EPHA5: variants seen among roughly 807,000 people sequenced by gnomAD.
EPHA5 encodes ephrin type-A receptor 5.
EPHA5 carries 60 observed loss-of-function variants against 105.0 expected under a neutral mutation model. The ratio of observed to expected loss-of-function variants is 0.57; its 90% CI spans 0.46 to 0.71. The LOEUF (loss-of-function observed/expected upper bound fraction) is 0.71. Ranked by LOEUF, EPHA5 falls within the 30% of genes least tolerant of loss-of-function variation. The pLI is 0.00. For missense variants in EPHA5, 1,218 were observed against 1,274.7 expected (o/e 0.96, Z 0.68); for synonymous variants, 513 against 449.1 (o/e 1.14, Z -1.80).
At chr4:65,656,131 TAAAAAA>T in intron 1 of EPHA5, among the ~76,000 whole-genome samples, 1 of 109,608 alleles carries the variant, frequency 9.1e-6, no homozygotes, top group Admixed American at 9.6e-5. Context: ...TGCTGCTGCT[TAAAAAA>T]AAAAAAAAAA....
intron 2 of EPHA5, among the ~76,000 whole-genome samples, chr4:65,633,915 A>G (rs768476275): frequency 6.6e-6 from 1 of 152,106 alleles, no homozygotes; most frequent in South Asian, 2.1e-4. Context: ...GCAAAACTAG[A>G]CAAAGTGATA....
intron 3 of EPHA5, among the ~76,000 whole-genome samples, chr4:65,532,209 A>G (rs1735873595): frequency 6.6e-6 from 1 of 152,118 alleles, no homozygotes; most frequent in African/African-American, 2.4e-5. Flanking sequence ...TAAAAAGTAG[A>G]AAAGCTTTCC....
chr4:65,666,929 T>A (rs1047401089), intron 1 of EPHA5, among the ~76,000 whole-genome samples: 5 of 152,186 alleles, frequency 3.3e-5, no homozygotes, highest in African/African-American at 1.2e-4. Context: ...TTACATTTAT[T>A]CTGTATGTTT....
intron 3 of EPHA5, among the ~76,000 whole-genome samples, chr4:65,561,686 A>C (rs1289650716): frequency 3.3e-5 from 5 of 152,128 alleles, no homozygotes; most frequent in Non-Finnish European, 7.4e-5. Context: ...GCCTGGACTC[A>C]TCACCAAGTC....
chr4:65,396,260 G>A (rs751824829), intron 8 of EPHA5, among the ~76,000 whole-genome samples: 15 of 152,210 alleles, frequency 9.9e-5, no homozygotes, highest in Non-Finnish European at 1.8e-4. Context: ...CCTAGATATT[G>A]ATTAGGGTCC....
chr4:65,405,242 T>C (rs1161469196), intron 7 of EPHA5, among the ~76,000 whole-genome samples: 1 of 149,088 alleles, frequency 6.7e-6, no homozygotes, highest in African/African-American at 2.5e-5. Flanking sequence ...GCAAATAAAT[T>C]TTATTTTTGT....
At chr4:65,571,447 A>G (rs1218780097) in intron 3 of EPHA5, among the ~76,000 whole-genome samples, 1 of 152,100 alleles carries the variant, frequency 6.6e-6, no homozygotes, top group East Asian at 1.9e-4. Flanking sequence ...TTTAAAATCA[A>G]CACATGAAAC....
intron 5 of EPHA5, among the ~76,000 whole-genome samples, chr4:65,484,321 T>C (rs1425625180): frequency 6.6e-6 from 1 of 152,168 alleles, no homozygotes; most frequent in African/African-American, 2.4e-5. Flanking sequence ...TGAGACACCA[T>C]GCTTGTCAAC....
intron 3 of EPHA5, among the ~76,000 whole-genome samples, chr4:65,574,709 C>T (rs7437924): frequency 0.14 from 8,509 of 60,446 alleles, 954 homozygotes; most frequent in Non-Finnish European, 0.2. Context: ...CATATATATA[C>T]ATATATATAT....
intron 2 of EPHA5, among the ~76,000 whole-genome samples, chr4:65,603,341 TA>T (rs34229543): frequency 0.91 from 137,531 of 151,942 alleles, 62,314 homozygotes; most frequent in Admixed American, 0.92. Context: ...CTGAAGCCTG[TA>T]AAAAAATCTG....
At chr4:65,579,890 G>C (rs1378552748) in intron 3 of EPHA5, among the ~76,000 whole-genome samples, 3 of 151,886 alleles carry the variant, frequency 2.0e-5, no homozygotes, top group African/African-American at 7.2e-5. Flanking sequence ...CATTTAAAAA[G>C]CAAGTACCTT....
chr4:65,487,802 C>T (rs547472408), intron 5 of EPHA5, among the ~76,000 whole-genome samples: 1 of 152,246 alleles, frequency 6.6e-6, no homozygotes, highest in African/African-American at 2.4e-5. Context: ...AAACTCTGGT[C>T]TCCTGCTTAG....
At chr4:65,534,959 A>T (rs906682867) in intron 3 of EPHA5, among the ~76,000 whole-genome samples, 9 of 152,178 alleles carry the variant, frequency 5.9e-5, no homozygotes, top group African/African-American at 2.2e-4. Flanking sequence ...CAGGTAAAAT[A>T]TGTTATCATA....
chr4:65,413,791 A>G (rs1723135537), intron 7 of EPHA5, among the ~76,000 whole-genome samples: 1 of 152,168 alleles, frequency 6.6e-6, no homozygotes, highest in Non-Finnish European at 1.5e-5. Context: ...GGTGCTCCAA[A>G]AAATATTCCC....
chr4:65,601,542 C>A, intron 3 of EPHA5, 99 bp downstream of exon 3: 3 of 1,186,994 alleles, frequency 2.5e-6, no homozygotes, highest in Non-Finnish European at 3.5e-6. Flanking sequence ...CATAAATTAG[C>A]AAAGTAAAAG....
rs142937331 is a variant in EPHA5 at position 65,385,751 on chromosome 4, C to T, written c.1794-18327G>A. Reference sequence around the variant, plus strand: ...AAATGTATGTGTGTGATTATATTCACAAAAATGTACCTTTATAAAATATTC... The same window carrying T: ...AAATGTATGTGTGTGATTATATTCATAAAAATGTACCTTTATAAAATATTC... On this transcript the variant is annotated intron_variant, in intron 8 of 16. Transcript: ENST00000613740. Among the ~76,000 whole-genome samples the T allele has an allele frequency of 4.0e-5, 6 of 151,802 alleles. No homozygotes were observed. The East Asian group carries it at 1.2e-3, about 30-fold the overall frequency.
chr4:65,403,634 T>C (rs1722071019), intron 8 of EPHA5, among the ~76,000 whole-genome samples: 3 of 152,070 alleles, frequency 2.0e-5, no homozygotes, highest in South Asian at 2.1e-4. Flanking sequence ...TTCTACTTTA[T>C]TGCATTTTAT....
intron 1 of EPHA5, among the ~76,000 whole-genome samples, chr4:65,656,898 T>C (rs562692827): frequency 6.5e-4 from 98 of 151,166 alleles, no homozygotes; most frequent in African/African-American, 2.2e-3. Context: ...ATATTAACCC[T>C]GTGATATTTT....
intron 16 of EPHA5, among the ~76,000 whole-genome samples, chr4:65,326,467 A>G (rs1720091148): frequency 6.6e-6 from 1 of 151,416 alleles, no homozygotes; most frequent in African/African-American, 2.4e-5. Context: ...AGGGAATGAA[A>G]CACATACTTT....
Sources: allele counts gnomAD v4.1 joint callset (sites outside exome capture counted in the v4.1 genomes callset), GRCh38; gene constraint gnomAD v4.1.1; transcripts MANE v1.5; gene names NCBI Gene and HGNC (gene_info 2026-07-23, HGNC 2026-07-21).